The following CLIC4 variants were observed in gnomAD, a reference collection of about 807,000 sequenced individuals.
CLIC4 encodes chloride intracellular channel protein 4.
CLIC4 carries 13 observed loss-of-function variants against 24.6 expected under a neutral mutation model. That is an observed-to-expected ratio of 0.53 (90% CI 0.34 to 0.84). The LOEUF (loss-of-function observed/expected upper bound fraction) is 0.84. Ranked by LOEUF, CLIC4 falls within the 40% of genes least tolerant of loss-of-function variation. The pLI is 0.01. For synonymous variants in CLIC4, 104 were observed against 111.3 expected (o/e 0.93, Z 0.41); for missense variants, 227 against 301.7 (o/e 0.75, Z 1.83).
chr1:24,780,999 A>G (rs2124112481), intron 1 of CLIC4, among the ~76,000 whole-genome samples: 1 of 151,076 alleles, frequency 6.6e-6, no homozygotes, highest in African/African-American at 2.4e-5. Flanking sequence ...AGGCAGGAAA[A>G]TCGCTTGAAC....
chr1:24,768,664 G>A (rs1639035300), intron 1 of CLIC4, among the ~76,000 whole-genome samples: 2 of 152,104 alleles, frequency 1.3e-5, no homozygotes, highest in South Asian at 4.1e-4. Flanking sequence ...TGTAATCCCT[G>A]TACTTTGGGA....
At chr1:24,787,996 C>T (rs1639289724) in intron 1 of CLIC4, among the ~76,000 whole-genome samples, 1 of 152,024 alleles carries the variant, frequency 6.6e-6, no homozygotes, top group African/African-American at 2.4e-5. Context: ...GCTGGGATTA[C>T]AGGCACGTAC....
intron 3 of CLIC4, 61 bp downstream of exon 3, chr1:24,814,280 G>A (rs1639646695): frequency 1.3e-6 from 2 of 1,541,664 alleles, no homozygotes; most frequent in Non-Finnish European, 1.8e-6. Flanking sequence ...TGTGTTATTT[G>A]TCAGTAGAGA....
At chr1:24,814,366 A>G in intron 3 of CLIC4, 147 bp downstream of exon 3, 2 of 960,362 alleles carry the variant, frequency 2.1e-6, no homozygotes, top group Non-Finnish European at 3.1e-6. Flanking sequence ...CACAGATATA[A>G]GAATTGGCTT....
chr1:24,747,519 G>A (rs1638715456), intron 1 of CLIC4, among the ~76,000 whole-genome samples: 2 of 111,668 alleles, frequency 1.8e-5, no homozygotes, highest in South Asian at 6.5e-4. Context: ...GGGCAACAGA[G>A]TAAGACTCCA....
intron 2 of CLIC4, among the ~76,000 whole-genome samples, chr1:24,813,422 TTTTC>T (rs1310246991): frequency 6.6e-6 from 1 of 151,858 alleles, no homozygotes; most frequent in East Asian, 1.9e-4. Flanking sequence ...CTTTTTCTCT[TTTTC>T]TTTTTCTTTT....
At chr1:24,820,075 A>G (rs1450439723) in intron 3 of CLIC4, among the ~76,000 whole-genome samples, 12 of 64,870 alleles carry the variant, frequency 1.8e-4, no homozygotes, top group Admixed American at 2.0e-4. Flanking sequence ...ATGTATATAT[A>G]TATGTATATA....
At chr1:24,831,314 T>G (rs1461550436) in intron 4 of CLIC4, among the ~76,000 whole-genome samples, 1 of 152,192 alleles carries the variant, frequency 6.6e-6, no homozygotes, top group African/African-American at 2.4e-5. Context: ...CCACCCAGCT[T>G]GGCCTCCCAA....
At chr1:24,822,979 G>A (rs1226587155) in intron 3 of CLIC4, among the ~76,000 whole-genome samples, 6 of 152,112 alleles carry the variant, frequency 3.9e-5, no homozygotes, top group Admixed American at 3.9e-4. Context: ...TTTATTGCTA[G>A]TCTTCTTCAG....
At chr1:24,819,065 A>T (rs1233518808) in intron 3 of CLIC4, among the ~76,000 whole-genome samples, 1 of 152,134 alleles carries the variant, frequency 6.6e-6, no homozygotes, top group African/African-American at 2.4e-5. Flanking sequence ...TCTGTCTATA[A>T]CTAGCTTCTC....
At chr1:24,818,314 G>T (rs1298769080) in intron 3 of CLIC4, among the ~76,000 whole-genome samples, 1 of 151,888 alleles carries the variant, frequency 6.6e-6, no homozygotes, top group Non-Finnish European at 1.5e-5. Flanking sequence ...TGAGACAGAG[G>T]CTCACTCTGT....
At chr1:24,760,504 A>G (rs1638914243) in intron 1 of CLIC4, among the ~76,000 whole-genome samples, 1 of 152,174 alleles carries the variant, frequency 6.6e-6, no homozygotes, top group South Asian at 2.1e-4. Context: ...AGCTGCAGAT[A>G]TGCCTCATAT....
At chr1:24,776,823 A>G (rs1639146724) in intron 1 of CLIC4, among the ~76,000 whole-genome samples, 1 of 151,942 alleles carries the variant, frequency 6.6e-6, no homozygotes, top group Non-Finnish European at 1.5e-5. Context: ...GAGGCAGGAG[A>G]ATCCCTTGAA....
In CLIC4 at chr1:24,781,626, A is replaced by G. The variant is rs535796976; in HGVS notation, c.73-16116A>G. Among the ~76,000 whole-genome samples, 280 of 151,410 alleles carry G rather than the reference A, an allele frequency of 1.8e-3. 1 individual carries two copies. Among genetic ancestry groups the G allele is most frequent in the Non-Finnish European group, 3.6e-3 (244 of 67,882 alleles). On this transcript the variant is annotated intron_variant, in intron 1 of 5. Coordinates refer to ENST00000374379, the MANE Select transcript of CLIC4 (RefSeq NM_013943.3). ...TGGGTCCTCAAGGACATCAGTGGGG[A>G]AGTCATTCTAGGAAAAGAAGATGGA...
rs1304714234 is a variant in CLIC4, at chr1:24,839,927, T to C, written c.483T>C (p.Asp161=). ...LDEYLNSPLP[D]EIDENSMEDI... Reference sequence around the variant, plus strand: ...AATATCTGAATTCTCCTCTCCCTGATGAAATTGATGAAAATAGTATGGAGG... The same window carrying C: ...AATATCTGAATTCTCCTCTCCCTGACGAAATTGATGAAAATAGTATGGAGG... Residue 161 remains aspartate (D), a synonymous_variant, in exon 5 of 6, where the codon GAT becomes GAC. Coordinates refer to ENST00000374379, the MANE Select transcript of CLIC4 (RefSeq NM_013943.3). 1 of 1,613,346 alleles carries C rather than the reference T, an allele frequency of 6.2e-7. No individual in the cohort carries two copies. The highest frequency in any genetic ancestry group is 1.7e-5 in the Admixed American group (1 of 60,026).
At chr1:24,817,402 C>G (rs1363164348) in intron 3 of CLIC4, among the ~76,000 whole-genome samples, 3 of 152,190 alleles carry the variant, frequency 2.0e-5, no homozygotes. Context: ...TGGCCTCTTT[C>G]CTTAAACCTC....
intron 1 of CLIC4, among the ~76,000 whole-genome samples, chr1:24,770,481 C>G (rs1639057616): frequency 6.6e-6 from 1 of 152,146 alleles, no homozygotes. Context: ...GCTTTTGGAT[C>G]TGTTTTTTCC....
At chr1:24,824,841 A>C (rs1349718915) in intron 3 of CLIC4, among the ~76,000 whole-genome samples, 1 of 151,960 alleles carries the variant, frequency 6.6e-6, no homozygotes, top group Non-Finnish European at 1.5e-5. Context: ...TCTACAAAAA[A>C]ATACAAAAAG....
intron 1 of CLIC4, among the ~76,000 whole-genome samples, chr1:24,746,882 T>A (rs1252435286): frequency 6.6e-6 from 1 of 152,124 alleles, no homozygotes; most frequent in Non-Finnish European, 1.5e-5. Flanking sequence ...TGTACTACTC[T>A]GGAGGCTGCG....
Sources: allele counts gnomAD v4.1 joint callset (sites outside exome capture counted in the v4.1 genomes callset), GRCh38; gene constraint gnomAD v4.1.1; transcripts MANE v1.5; gene names NCBI Gene and HGNC (gene_info 2026-07-23, HGNC 2026-07-21).